Variants in CHM observed in about 807,000 individuals in gnomAD.
The protein encoded by CHM is CHM Rab escort protein.
In CHM, 10 loss-of-function variants were observed where a neutral mutation model predicts 49.0. The ratio of observed to expected loss-of-function variants is 0.20; its 90% CI spans 0.13 to 0.35. The LOEUF (loss-of-function observed/expected upper bound fraction) is 0.35. Ranked by LOEUF, CHM falls within the 10% of genes least tolerant of loss-of-function variation. The pLI is 1.00. For synonymous variants in CHM, 184 were observed against 167.5 expected, an observed-to-expected ratio of 1.10 and a Z score of -0.76; for missense variants, 455 against 478.4, an observed-to-expected ratio of 0.95 and a Z score of 0.46.
intron 12 of CHM, among the ~76,000 whole-genome samples, chrX:85,882,118 A>G (rs1924798512): frequency 8.9e-6 from 1 of 111,790 alleles, no homozygotes; most frequent in Non-Finnish European, 1.9e-5. Flanking sequence ...GACTCTTCTG[A>G]TGAAAAACTG....
Position 85,936,545 on chromosome X carries a change from T to C in CHM, c.1166+19608A>G, listed in dbSNP as rs143203180. Among the ~76,000 whole-genome samples the C allele has an allele frequency of 7.7e-3, 861 of 112,213 alleles. 6 individuals are homozygous for C. Among genetic ancestry groups the C allele is most frequent in the African/African-American group, 0.025 (786 of 30,884 alleles). ...CAAAGTTAGAATCAAAACCCATTTCTGAGATTGATACTTCTGTAGCACATG... is the reference window on the plus strand; with the variant it reads ...CAAAGTTAGAATCAAAACCCATTTCCGAGATTGATACTTCTGTAGCACATG... On this transcript the variant is annotated intron_variant, in intron 8 of 14. Transcript: ENST00000357749.
rs1930410145 is a variant in CHM, at chrX:85,963,665, C to T, written c.702G>A (p.Lys234=). 1 of 1,198,204 alleles carries T rather than the reference C, an allele frequency of 8.3e-7. No homozygotes were observed. The change falls in exon 5 of 15, where the codon AAG becomes AAA. Residue 234 remains lysine (K), a splice_region_variant and synonymous_variant. Coordinates refer to ENST00000357749, the MANE Select transcript of CHM (RefSeq NM_000390.4). ...AAAGATGGGTAAAATTAGTACTTAC[C>T]TTTGATACTAAATCAATATTAAATC... ...GRRFNIDLVS[K]LLYSRGLLID...
rs1430059191 is a variant in CHM, at chrX:85,958,960, T to A, written c.720A>T (p.Gly240=). The change falls in exon 6 of 15, where the codon GGA becomes GGT. Residue 240 remains glycine, a synonymous_variant. Coordinates refer to ENST00000357749, the MANE Select transcript of CHM (RefSeq NM_000390.4). ...ATTTGATTAGAAGATCAATTAGTAA[T>A]CCTCGAGAATACAGCAGCTGTACAA... ...DLVSKLLYSR[G]LLIDLLIKSN... The A allele has an allele frequency of 2.5e-6, 3 of 1,210,605 alleles. No individual in the cohort carries two copies. The highest frequency in any genetic ancestry group is 3.4e-6 in the Non-Finnish European group (3 of 894,982).
intron 8 of CHM, among the ~76,000 whole-genome samples, chrX:85,928,833 A>T (rs1928248695): frequency 9.0e-6 from 1 of 111,396 alleles, no homozygotes; most frequent in Non-Finnish European, 1.9e-5. Context: ...TCAGAGAAAA[A>T]ATGTCAAGGG....
chrX:86,001,350 T>C (rs1932710496), intron 2 of CHM, among the ~76,000 whole-genome samples: 1 of 99,973 alleles, frequency 1.0e-5, no homozygotes, highest in Non-Finnish European at 2.1e-5. Context: ...GACATGTTCA[T>C]CTGCAAAAAA....
chrX:85,956,523 A>C (rs917758857), intron 7 of CHM, 145 bp from the exon 8 acceptor site: 83 of 814,708 alleles, frequency 1.0e-4, no homozygotes, highest in Non-Finnish European at 1.2e-4. Context: ...GGTTGATCTT[A>C]GGAAAAAATG....
At chrX:85,891,671 G>A in intron 12 of CHM, among the ~76,000 whole-genome samples, 1 of 112,691 alleles carries the variant, frequency 8.9e-6, no homozygotes, top group East Asian at 2.8e-4. Context: ...GGCCCCCATG[G>A]AGAACCTCTG....
chrX:86,025,643 C>CTA (rs1405596938), intron 2 of CHM, among the ~76,000 whole-genome samples: 1 of 96,113 alleles, frequency 1.0e-5, no homozygotes, highest in Non-Finnish European at 2.0e-5. Flanking sequence ...TGCCACTGTA[C>CTA]TATAGTCTAG....
intron 4 of CHM, chrX:85,969,089 T>C: frequency 1.5e-6 from 1 of 680,082 alleles, no homozygotes; most frequent in Non-Finnish European, 1.8e-6. Flanking sequence ...CAGTAGAATT[T>C]TAGATTCCTA....
intron 12 of CHM, among the ~76,000 whole-genome samples, chrX:85,888,481 A>C (rs1297381255): frequency 9.0e-6 from 1 of 111,631 alleles, no homozygotes; most frequent in Non-Finnish European, 1.9e-5. Context: ...AAAGAATAAA[A>C]GAGGTTATCC....
At chrX:85,996,017 T>G (rs1052949796) in intron 2 of CHM, among the ~76,000 whole-genome samples, 9 of 112,292 alleles carry the variant, frequency 8.0e-5, no homozygotes, top group African/African-American at 2.9e-4. Flanking sequence ...TTTATTCTCC[T>G]ATCCCTTTAT....
chrX:85,978,163 A>G (rs1931384981), intron 4 of CHM, among the ~76,000 whole-genome samples: 1 of 111,994 alleles, frequency 8.9e-6, no homozygotes, highest in East Asian at 2.8e-4. Flanking sequence ...TAAACAGTGA[A>G]TCTCTCACTC....
rs1272560810 is a variant in CHM at position 85,958,872 on chromosome X, G to GTCCTTC, written c.802_807dup (p.Glu268_Gly269dup). 8.3e-7 allele frequency: 1 copy of GTCCTTC among 1,209,241 alleles called. No homozygotes were observed. The highest frequency in any genetic ancestry group is 1.8e-5 in the African/African-American group (1 of 57,022). On this transcript the variant is annotated inframe_insertion, in exon 6 of 15. Coordinates refer to ENST00000357749, the MANE Select transcript of CHM (RefSeq NM_000390.4). ...GATCAGCACAGTACCTGTTCCACTC[G>GTCCTTC]TCCTTCTCGAAATGCAAGAATCCTG...
chrX:85,915,134 A>C (rs1167517968), intron 8 of CHM, among the ~76,000 whole-genome samples: 1 of 112,104 alleles, frequency 8.9e-6, no homozygotes, highest in Non-Finnish European at 1.9e-5. Context: ...AATTCTGGAA[A>C]CCCTGGCATC....
At chrX:86,045,122 A>G (rs1934604876) in intron 1 of CHM, among the ~76,000 whole-genome samples, 1 of 112,070 alleles carries the variant, frequency 8.9e-6, no homozygotes, top group Non-Finnish European at 1.9e-5. Context: ...AATCTGCTAA[A>G]AAGTATATCT....
At chrX:86,027,467 A>C in intron 2 of CHM, 24 bp downstream of exon 2, 1 of 1,163,208 alleles carries the variant, frequency 8.6e-7, no homozygotes, top group Non-Finnish European at 1.2e-6. Flanking sequence ...AGGAAATATT[A>C]AATGCTATCG....
At chrX:86,007,479 C>G (rs1932886507) in intron 2 of CHM, among the ~76,000 whole-genome samples, 1 of 111,548 alleles carries the variant, frequency 9.0e-6, no homozygotes, top group Non-Finnish European at 1.9e-5. Flanking sequence ...AGGCAACCTA[C>G]AGAATGGGAG....
intron 8 of CHM, among the ~76,000 whole-genome samples, chrX:85,913,338 AAGAAAGAAAGAAAGAAAGAAAGAAAG>A (rs1927213736): frequency 2.9e-5 from 2 of 68,934 alleles, no homozygotes; most frequent in East Asian, 4.1e-4. Context: ...AAAAAAAAGA[AAGAAAGAAAGAAAGAAAGAAAGAAAG>A]AAAGAAAGAA....
intron 2 of CHM, among the ~76,000 whole-genome samples, chrX:86,012,765 G>A (rs1318731140): frequency 9.0e-6 from 1 of 111,156 alleles, no homozygotes; most frequent in African/African-American, 3.3e-5. Context: ...CAATATAATA[G>A]AAATATGTGA....
Sources: gnomAD v4.1 joint callset for allele counts (sites outside exome capture counted in the v4.1 genomes callset) on GRCh38, gnomAD v4.1.1 for gene constraint, MANE v1.5 for transcripts, NCBI Gene and HGNC (gene_info 2026-07-23, HGNC 2026-07-21) for gene names.